The following TMEM132B variants were observed in gnomAD, a reference collection of about 807,000 sequenced individuals.
TMEM132B encodes transmembrane protein 132B.
TMEM132B carries 18 observed loss-of-function variants against 90.8 expected under a neutral mutation model. That is an observed-to-expected ratio of 0.20 (90% CI 0.14 to 0.29). TMEM132B has a LOEUF of 0.29. Ranked by LOEUF, TMEM132B falls within the 10% of genes least tolerant of loss-of-function variation. TMEM132B has a pLI of 1.00. For missense variants in TMEM132B, 1,096 were observed against 1,326.8 expected, an observed-to-expected ratio of 0.83 and a Z score of 2.70; for synonymous variants, 504 against 523.3, an observed-to-expected ratio of 0.96 and a Z score of 0.50.
intron 3 of TMEM132B, among the ~76,000 whole-genome samples, chr12:125,448,970 T>G (rs890524157): frequency 6.7e-6 from 1 of 148,618 alleles, no homozygotes; most frequent in Non-Finnish European, 1.5e-5. Flanking sequence ...ATATCTTTTT[T>G]TTTTTTTTTT....
At chr12:125,240,560 A>G (rs1477532803) in intron 1 of TMEM132B, among the ~76,000 whole-genome samples, 1 of 152,128 alleles carries the variant, frequency 6.6e-6, no homozygotes, top group Non-Finnish European at 1.5e-5. Context: ...GAGGGTAGGA[A>G]TGAGTCCCAG....
rs1255509252 is a variant in TMEM132B at position 125,217,681 on chromosome 12, T to C, written c.67+30815T>C. On this transcript the variant is annotated intron_variant, in intron 1 of 8. Transcript: ENST00000682704. ...GTTGCCCAGGCCGGTCTCAAACTCC[T>C]GGCCTCAAGTGATCTTCCCTCCTTG... is the stretch of plus-strand genomic sequence containing the variant. Among the ~76,000 whole-genome samples, 4 of 152,312 alleles carry C rather than the reference T, an allele frequency of 2.6e-5. No homozygotes were observed. In the East Asian group the frequency reaches 7.7e-4, roughly 29 times the overall value.
intron 3 of TMEM132B, among the ~76,000 whole-genome samples, chr12:125,461,957 T>C (rs905152384): frequency 8.5e-5 from 13 of 152,216 alleles, no homozygotes; most frequent in Non-Finnish European, 1.9e-4. Flanking sequence ...TTCAGGAAAG[T>C]CTCAGCTTGG....
chr12:125,314,450 CA>C (rs1876207107), intron 1 of TMEM132B, among the ~76,000 whole-genome samples: 1 of 152,172 alleles, frequency 6.6e-6, no homozygotes, highest in Non-Finnish European at 1.5e-5. Context: ...AGGCGAGGAA[CA>C]GGGGAAAAGT....
chr12:125,261,553 A>G (rs1035238934), intron 1 of TMEM132B, among the ~76,000 whole-genome samples: 2 of 152,206 alleles, frequency 1.3e-5, no homozygotes, highest in African/African-American at 4.8e-5. Flanking sequence ...TATACCCCAA[A>G]TCAGGATGTA....
Position 125,349,085 on chromosome 12 carries a change from T to G in TMEM132B, c.68-367T>G, listed in dbSNP as rs902614643. On this transcript the variant is annotated intron_variant, in intron 1 of 8. Transcript: ENST00000682704. The surrounding 1 kb of genome is among the most constrained non-coding windows in gnomAD (Gnocchi z 4.1). ...CACATACAATGGTGCAATGCCTGAT[T>G]GGTAGACTTGGTAGGTACGCAACCT... Among the ~76,000 whole-genome samples, 3 of 152,214 alleles carry G rather than the reference T, an allele frequency of 2.0e-5. No individual in the cohort carries two copies. The highest frequency in any genetic ancestry group is 7.2e-5 in the African/African-American group (3 of 41,458).
At chr12:125,224,067 G>A (rs140613618) in intron 1 of TMEM132B, among the ~76,000 whole-genome samples, 77 of 152,306 alleles carry the variant, frequency 5.1e-4, no homozygotes, top group African/African-American at 1.6e-3. Context: ...GTGAACCACC[G>A]TGCCCGGCCT....
In TMEM132B at chr12:125,407,029, C is replaced by G. The variant is rs111300573; in HGVS notation, c.960-8502C>G. ...AACCATAGGCACAGAGTGCTGCCAA[C>G]TGGGGGAGCTCACCCAAGCTTGGTG... On this transcript the variant is annotated intron_variant, in intron 2 of 8. Coordinates refer to ENST00000682704, the MANE Select transcript of TMEM132B (RefSeq NM_001366854.1). The surrounding 1 kb of genome is among the most constrained non-coding windows in gnomAD (Gnocchi z 6.7). Among the ~76,000 whole-genome samples, 1 of 152,176 alleles carries G rather than the reference C, an allele frequency of 6.6e-6. No individual in the cohort carries two copies. Among genetic ancestry groups the G allele is most frequent in the Non-Finnish European group, 1.5e-5 (1 of 68,038 alleles).
At chr12:125,348,673 C>T (rs763485783) in intron 1 of TMEM132B, among the ~76,000 whole-genome samples, 2 of 152,058 alleles carry the variant, frequency 1.3e-5, no homozygotes, top group African/African-American at 4.8e-5. Context: ...CTTGCGGCAA[C>T]CCAGTAAGGT....
At chr12:125,583,713 GT>G in intron 4 of TMEM132B, 137 bp from the exon 5 acceptor site, 1 of 1,019,578 alleles carries the variant, frequency 9.8e-7, no homozygotes, top group Non-Finnish European at 1.5e-6. Flanking sequence ...TGTGAGCTTT[GT>G]GGCTTTGTCC....
intron 3 of TMEM132B, among the ~76,000 whole-genome samples, chr12:125,483,905 C>T (rs944166380): frequency 3.9e-5 from 6 of 152,072 alleles, no homozygotes; most frequent in African/African-American, 9.7e-5. Flanking sequence ...AGAGGTTGAT[C>T]GGGTCCAATC....
At chr12:125,614,743 C>T (rs1445893364) in intron 5 of TMEM132B, among the ~76,000 whole-genome samples, 1 of 152,084 alleles carries the variant, frequency 6.6e-6, no homozygotes, top group Non-Finnish European at 1.5e-5. Flanking sequence ...ACAGAGCTAC[C>T]ATTAGACCCA....
rs1263733447 is a variant in TMEM132B, at chr12:125,492,356, A to G, written c.1107-27083A>G. ...TCCAAACACTGCTGCATGCCATGAC[A>G]CAGCTAATCACATGCATCTGTTGTC... On this transcript the variant is annotated intron_variant, in intron 3 of 8. Transcript: ENST00000682704. This position sits in a 1 kb window ranked among gnomAD's most constrained non-coding sequence, Gnocchi z 5.8. Among the ~76,000 whole-genome samples, 2 of 152,190 alleles carry G rather than the reference A, an allele frequency of 1.3e-5. No individual in the cohort carries two copies. Among genetic ancestry groups the G allele is most frequent in the Non-Finnish European group, 2.9e-5 (2 of 68,038 alleles).
chr12:125,621,754 G>A (rs1886118415), intron 5 of TMEM132B, among the ~76,000 whole-genome samples: 1 of 152,090 alleles, frequency 6.6e-6, no homozygotes, highest in Admixed American at 6.5e-5. Context: ...TTTTAATAAG[G>A]AATGGAGAGC....
At chr12:125,571,144 A>T (rs940811019) in intron 4 of TMEM132B, among the ~76,000 whole-genome samples, 1 of 152,232 alleles carries the variant, frequency 6.6e-6, no homozygotes, top group Non-Finnish European at 1.5e-5. Flanking sequence ...CCAAGTGAGG[A>T]GCTGAGAGGA....
At chr12:125,198,957 G>T (rs1284209071) in intron 1 of TMEM132B, among the ~76,000 whole-genome samples, 1 of 152,232 alleles carries the variant, frequency 6.6e-6, no homozygotes, top group East Asian at 1.9e-4. Context: ...GGTTGCTTTG[G>T]TTGAGGACGA....
intron 2 of TMEM132B, among the ~76,000 whole-genome samples, chr12:125,360,449 C>A (rs897435706): frequency 6.6e-6 from 1 of 152,098 alleles, no homozygotes; most frequent in South Asian, 2.1e-4. Context: ...TAATTTTTTT[C>A]TTTAGTCAAC....
At chr12:125,215,616 A>G (rs1484964351) in intron 1 of TMEM132B, among the ~76,000 whole-genome samples, 1 of 152,030 alleles carries the variant, frequency 6.6e-6, no homozygotes, top group Admixed American at 6.5e-5. Flanking sequence ...ATCTCAGCTC[A>G]CCACAACCTC....
chr12:125,429,826 C>T (rs570281786), intron 3 of TMEM132B, among the ~76,000 whole-genome samples: 50 of 152,272 alleles, frequency 3.3e-4, no homozygotes, highest in African/African-American at 4.6e-4. Flanking sequence ...TGCCTGATGT[C>T]GTGTTGCAAG....
Sources: allele counts gnomAD v4.1 joint callset (sites outside exome capture counted in the v4.1 genomes callset), GRCh38; gene constraint gnomAD v4.1.1; non-coding constraint Gnocchi (gnomAD v3.1); transcripts MANE v1.5; gene names NCBI Gene and HGNC (gene_info 2026-07-23, HGNC 2026-07-21).